FUT8: variants seen among roughly 807,000 people sequenced by gnomAD.
FUT8 encodes fucosyltransferase 8.
In FUT8, 29 loss-of-function variants were observed where a neutral mutation model predicts 71.3. The ratio of observed to expected loss-of-function variants is 0.41; its 90% CI spans 0.30 to 0.55. FUT8 has a LOEUF of 0.55. FUT8 is among the 20% of genes least tolerant of loss of function. The pLI, the probability that FUT8 is intolerant of heterozygous loss-of-function variation, is 0.34. For synonymous variants in FUT8, 254 were observed against 239.3 expected, an observed-to-expected ratio of 1.06 and a Z score of -0.57; for missense variants, 544 against 702.1, an observed-to-expected ratio of 0.77 and a Z score of 2.55.
At position 65,439,954 on chromosome 14, in the gene FUT8, G is replaced by GTATACATATATA. The variant is rs1555360999; in HGVS notation, c.-325-15663_-325-15662insCATATATATATA. On this transcript the variant is annotated intron_variant, in intron 1 of 10. Coordinates refer to ENST00000673929, the MANE Select transcript of FUT8 (RefSeq NM_001371533.1). Reference sequence around the variant, plus strand: ...ATAAAGAAAATGTGTGTGTGTGTGTGTATATATATATATATATATATATAT... The same window carrying GTATACATATATA: ...ATAAAGAAAATGTGTGTGTGTGTGTGTATACATATATATATATATATATATATATATATATAT... Among the ~76,000 whole-genome samples, 50 of 74,972 alleles carry GTATACATATATA rather than the reference G, an allele frequency of 6.7e-4. 2 individuals carry two copies. Among genetic ancestry groups the GTATACATATATA allele is most frequent in the Non-Finnish European group, 9.4e-4 (38 of 40,288 alleles). 49.2% of individuals were successfully genotyped at this position (74,972 alleles called of 152,430 possible). A position where few individuals can be genotyped will look rare whatever the true frequency, so the allele number is the denominator to read the frequency against.
chr14:65,456,184 A>G (rs2065891481), intron 2 of FUT8, among the ~76,000 whole-genome samples: 1 of 152,178 alleles, frequency 6.6e-6, no homozygotes, highest in African/African-American at 2.4e-5. Flanking sequence ...ATATATCACC[A>G]CAATTAAAAC....
intron 2 of FUT8, among the ~76,000 whole-genome samples, chr14:65,527,396 C>G (rs142935169): frequency 4.6e-5 from 7 of 152,166 alleles, no homozygotes; most frequent in African/African-American, 1.4e-4. Flanking sequence ...AGTTCTCATG[C>G]CATGGTTTTC....
intron 7 of FUT8, among the ~76,000 whole-genome samples, chr14:65,681,354 A>G (rs1893027177): frequency 6.6e-6 from 1 of 152,224 alleles, no homozygotes; most frequent in African/African-American, 2.4e-5. Context: ...AAATGAAGTA[A>G]TAGGCATGGA....
In FUT8 at chr14:65,699,145, T is replaced by TACACACACACAC. The variant is rs60092488; in HGVS notation, c.836-22587_836-22576dup. 9.7e-4 allele frequency among the ~76,000 whole-genome samples: 128 copies of TACACACACACAC among 132,120 alleles called. 3 individuals carry two copies. Among genetic ancestry groups the TACACACACACAC allele is most frequent in the East Asian group, 4.1e-3 (18 of 4,436 alleles). 86.7% of individuals were successfully genotyped at this position (132,120 alleles called of 152,430 possible). On this transcript the variant is annotated intron_variant, in intron 7 of 10. Transcript: ENST00000673929. ...TGTCATGTAAACACTCCCTCCCTTC[T>TACACACACACAC]ACACACACACACACACACACACACA... is the stretch of plus-strand genomic sequence containing the variant.
At chr14:65,728,686 TA>T (rs34746444) in intron 9 of FUT8, among the ~76,000 whole-genome samples, 90,962 of 152,018 alleles carry the variant, frequency 0.6, 27,426 homozygotes, top group African/African-American at 0.64. Flanking sequence ...TATGTTTAGA[TA>T]ACACAAATAG....
chr14:65,444,736 G>A (rs1251957254), intron 1 of FUT8, among the ~76,000 whole-genome samples: 1 of 152,200 alleles, frequency 6.6e-6, no homozygotes, highest in Non-Finnish European at 1.5e-5. Context: ...TAAAACTGTA[G>A]TGGTAGAGAA....
chr14:65,406,773 A>G (rs2065090398), upstream of FUT8, among the ~76,000 whole-genome samples: 1 of 152,168 alleles, frequency 6.6e-6, no homozygotes, highest in Non-Finnish European at 1.5e-5. Flanking sequence ...CCTGTCCTCA[A>G]GTAATCTGCC....
At chr14:65,525,815 A>G (rs1318580370) in intron 2 of FUT8, among the ~76,000 whole-genome samples, 1 of 152,146 alleles carries the variant, frequency 6.6e-6, no homozygotes, top group Non-Finnish European at 1.5e-5. Flanking sequence ...TCATTTCGTT[A>G]CGTACCCAGT....
the FUT8 span, among the ~76,000 whole-genome samples, chr14:65,390,852 T>A: frequency 6.6e-6 from 1 of 151,640 alleles, no homozygotes; most frequent in Non-Finnish European, 1.5e-5. Context: ...GCCTCTTGAG[T>A]AGCTGGGACT....
At chr14:65,703,337 T>A (rs1262302643) in intron 7 of FUT8, among the ~76,000 whole-genome samples, 2 of 152,212 alleles carry the variant, frequency 1.3e-5, no homozygotes, top group Non-Finnish European at 2.9e-5. Flanking sequence ...TTAGTTAAGG[T>A]TTCATGCCTT....
At chr14:65,382,236 G>T in the FUT8 span, among the ~76,000 whole-genome samples, 3 of 152,148 alleles carry the variant, frequency 2.0e-5, no homozygotes, top group Admixed American at 6.5e-5. Flanking sequence ...CTTCTGTTTT[G>T]CTCTGGATTA....
intron 8 of FUT8, among the ~76,000 whole-genome samples, chr14:65,722,485 A>AC (rs1427811589): frequency 2.6e-5 from 4 of 151,548 alleles, no homozygotes; most frequent in South Asian, 2.1e-4. Context: ...CATATTTCCC[A>AC]CCCCACATCT....
the FUT8 span, among the ~76,000 whole-genome samples, chr14:65,385,598 G>A: frequency 6.6e-6 from 1 of 151,994 alleles, no homozygotes. Context: ...GCTGTTTTCA[G>A]GCCCAATGAA....
At chr14:65,439,952 G>GTATATATATATATATA (rs1425130774) in intron 1 of FUT8, among the ~76,000 whole-genome samples, 4 of 38,220 alleles carry the variant, frequency 1.0e-4, no homozygotes, top group East Asian at 1.4e-3. Context: ...GTGTGTGTGT[G>GTATATATATATATATA]TGTATATATA....
chr14:65,620,059 C>T (rs1395373147), intron 5 of FUT8, among the ~76,000 whole-genome samples: 2 of 152,126 alleles, frequency 1.3e-5, no homozygotes, highest in Admixed American at 1.3e-4. Context: ...CACTGTTGCT[C>T]TGATTCTTTT....
At chr14:65,602,411 T>C (rs919914585) in intron 3 of FUT8, among the ~76,000 whole-genome samples, 4 of 142,380 alleles carry the variant, frequency 2.8e-5, no homozygotes, top group African/African-American at 1.1e-4. Context: ...ACAGTTTCTT[T>C]ATCCACTCAT....
chr14:65,503,368 TG>T (rs2066677295), intron 2 of FUT8, among the ~76,000 whole-genome samples: 1 of 152,220 alleles, frequency 6.6e-6, no homozygotes, highest in Non-Finnish European at 1.5e-5. Context: ...TTGTTCCTGA[TG>T]ATAGGACATC....
intron 1 of FUT8, among the ~76,000 whole-genome samples, chr14:65,443,816 T>TA (rs1841172396): frequency 6.6e-6 from 1 of 152,040 alleles, no homozygotes; most frequent in Admixed American, 6.5e-5. Context: ...TTAATATTGG[T>TA]ATGCTTAGGG....
At chr14:65,436,782 G>C (rs1365132334) in intron 1 of FUT8, among the ~76,000 whole-genome samples, 3 of 152,044 alleles carry the variant, frequency 2.0e-5, no homozygotes, top group African/African-American at 2.4e-5. Flanking sequence ...TCCTACTGGA[G>C]TTGTGCAGTG....
Sources: allele counts gnomAD v4.1 joint callset (sites outside exome capture counted in the v4.1 genomes callset), GRCh38; gene constraint gnomAD v4.1.1; transcripts MANE v1.5; gene names NCBI Gene and HGNC (gene_info 2026-07-23, HGNC 2026-07-21).